The following SCML4 variants were observed in gnomAD, a reference collection of about 807,000 sequenced individuals.
SCML4 encodes the protein Scm polycomb group protein like 4.
SCML4 carries 34 observed loss-of-function variants against 41.1 expected under a neutral mutation model. The observed-to-expected ratio is 0.83, with a 90% confidence interval of 0.63 to 1.10. The LOEUF (loss-of-function observed/expected upper bound fraction) is 1.10, where lower values mean the gene tolerates loss of function less well. Among genes scored for constraint, SCML4 ranks in the 50% least tolerant of loss-of-function variants. The pLI is 0.00. For missense variants in SCML4, 522 were observed against 534.1 expected (o/e 0.98, Z 0.22); for synonymous variants, 214 against 220.9 (o/e 0.97, Z 0.28).
chr6:107,747,303 G>A lies in SCML4; in HGVS notation c.287-414C>T, dbSNP rs557783459. 5.3e-5 allele frequency among the ~76,000 whole-genome samples: 8 copies of A among 152,218 alleles called. No individual in the cohort carries two copies. The East Asian group carries it at 7.7e-4, about 15-fold the overall frequency. ...AGTTTTTGCCATTTCTTTGTTAACC[G>A]TCTACGAACAAAAAAATCAAGATGC... On this transcript the variant is annotated intron_variant, in intron 3 of 7. Transcript: ENST00000369020.
intron 2 of SCML4, among the ~76,000 whole-genome samples, chr6:107,750,412 G>C (rs1309554998): frequency 6.6e-6 from 1 of 152,248 alleles, no homozygotes. Context: ...CAAAGGAGGA[G>C]TTAAAATTTG....
the SCML4 span, among the ~76,000 whole-genome samples, chr6:107,839,365 GAA>G: frequency 3.9e-5 from 1 of 25,510 alleles, no homozygotes; most frequent in Admixed American, 4.5e-4. Flanking sequence ...AAGAAAGAAA[GAA>G]GGAAAGAAAG....
intron 5 of SCML4, among the ~76,000 whole-genome samples, chr6:107,729,027 T>G (rs1247631371): frequency 6.6e-6 from 1 of 152,176 alleles, no homozygotes; most frequent in African/African-American, 2.4e-5. Flanking sequence ...TGGATGGCCC[T>G]CATCATTCGG....
intron 2 of SCML4, chr6:107,755,666 T>TAAAAAA: frequency 9.4e-7 from 1 of 1,060,830 alleles, no homozygotes; most frequent in Non-Finnish European, 1.2e-6. Flanking sequence ...CTTAGGTTTC[T>TAAAAAA]AAAAAAAAAA....
chr6:107,837,905 CTT>C, the SCML4 span, among the ~76,000 whole-genome samples: 371 of 115,308 alleles, frequency 3.2e-3, 1 homozygote, highest in South Asian at 0.013. Context: ...TTATGATTTT[CTT>C]TTTTTTTTTT....
chr6:107,749,951 G>A (rs1381759533), intron 2 of SCML4, 138 bp from the exon 3 acceptor site: 1 of 811,000 alleles, frequency 1.2e-6, no homozygotes, highest in Non-Finnish European at 2.0e-6. Context: ...TTCGGGGCCT[G>A]AGCTGCAGAT....
chr6:107,816,453 G>A (rs928254485), intron 1 of SCML4, among the ~76,000 whole-genome samples: 1 of 152,184 alleles, frequency 6.6e-6, no homozygotes, highest in African/African-American at 2.4e-5. Flanking sequence ...TCACACTGGT[G>A]GCCATGAAAA....
At chr6:107,845,398 G>A in the SCML4 span, among the ~76,000 whole-genome samples, 10 of 152,206 alleles carry the variant, frequency 6.6e-5, no homozygotes, top group African/African-American at 2.2e-4. Flanking sequence ...TCCGGGGCCC[G>A]GCACTAGGAG....
At chr6:107,779,066 G>A (rs1193540877) in intron 1 of SCML4, among the ~76,000 whole-genome samples, 1 of 152,052 alleles carries the variant, frequency 6.6e-6, no homozygotes, top group East Asian at 1.9e-4. Context: ...TGTAGTCCCA[G>A]CTACTCCGGA....
At chr6:107,830,736 GA>G in the SCML4 span, among the ~76,000 whole-genome samples, 3,007 of 151,146 alleles carry the variant, frequency 0.02, 51 homozygotes, top group Non-Finnish European at 0.03. Flanking sequence ...TCTGTTATCA[GA>G]AAAAAAAATC....
intron 2 of SCML4, among the ~76,000 whole-genome samples, chr6:107,761,918 A>G (rs1434663299): frequency 6.6e-6 from 1 of 152,112 alleles, no homozygotes; most frequent in African/African-American, 2.4e-5. Context: ...ATTTTACTTC[A>G]GGCAAAATGA....
intron 1 of SCML4, among the ~76,000 whole-genome samples, chr6:107,811,200 G>A (rs907594672): frequency 1.3e-5 from 2 of 152,152 alleles, no homozygotes; most frequent in Non-Finnish European, 2.9e-5. Flanking sequence ...TTTCTTCTGT[G>A]TAAGCCACCC....
intron 5 of SCML4, among the ~76,000 whole-genome samples, chr6:107,722,086 T>G (rs1402744205): frequency 6.6e-6 from 1 of 151,330 alleles, no homozygotes; most frequent in African/African-American, 2.4e-5. Context: ...ACCTCTCTGG[T>G]TGAAGCGATT....
chr6:107,831,411 C>CAAAAAAA, the SCML4 span, among the ~76,000 whole-genome samples: 14 of 107,486 alleles, frequency 1.3e-4, no homozygotes, highest in East Asian at 1.5e-3. Flanking sequence ...TTTTCATTCT[C>CAAAAAAA]AAAAAAAAAA....
At chr6:107,722,021 A>T (rs940121812) in intron 5 of SCML4, among the ~76,000 whole-genome samples, 29 of 148,158 alleles carry the variant, frequency 2.0e-4, no homozygotes, top group African/African-American at 6.7e-4. Context: ...TTAATCAATA[A>T]GTCTGTCACC....
At chr6:107,716,916 C>T (rs887995925) in intron 6 of SCML4, among the ~76,000 whole-genome samples, 1 of 152,052 alleles carries the variant, frequency 6.6e-6, no homozygotes, top group Non-Finnish European at 1.5e-5. Flanking sequence ...CACCCACTTC[C>T]TCTGTCTCAC....
At chr6:107,762,628 C>T (rs1779688074) in intron 2 of SCML4, among the ~76,000 whole-genome samples, 1 of 152,096 alleles carries the variant, frequency 6.6e-6, no homozygotes, top group South Asian at 2.1e-4. Context: ...GAGGCAGACA[C>T]ACACAGATGG....
chr6:107,726,343 C>A lies in SCML4; in HGVS notation c.683-5350G>T. On this transcript the variant is annotated intron_variant, in intron 5 of 7. Transcript: ENST00000369020. ...GGTCAGGAGATCAAGACCATCCTGG[C>A]TAACACGGTGAAACCCCATCTCTAC... 1.3e-5 allele frequency among the ~76,000 whole-genome samples: 2 copies of A among 151,612 alleles called. 1 individual carries two copies. Among genetic ancestry groups the A allele is most frequent in the Non-Finnish European group, 2.9e-5 (2 of 67,914 alleles).
At chr6:107,813,370 TTATATATATATATATATATA>T (rs543060112) in intron 1 of SCML4, among the ~76,000 whole-genome samples, 38 of 42,452 alleles carry the variant, frequency 9.0e-4, no homozygotes, top group Admixed American at 3.9e-3. Flanking sequence ...CTCAAAAAAA[TTATATATATATATATATATA>T]TATATATATA....
Sources: gnomAD v4.1 joint callset for allele counts (sites outside exome capture counted in the v4.1 genomes callset) on GRCh38, gnomAD v4.1.1 for gene constraint, MANE v1.5 for transcripts, NCBI Gene and HGNC (gene_info 2026-07-23, HGNC 2026-07-21) for gene names.